The following FDFT1 variants were observed in gnomAD, a reference collection of about 807,000 sequenced individuals.
FDFT1 encodes the protein farnesyl-diphosphate farnesyltransferase 1.
In FDFT1, 68 loss-of-function variants were observed where a neutral mutation model predicts 46.8. That is an observed-to-expected ratio of 1.45 (90% CI 1.19 to 1.78). The LOEUF (loss-of-function observed/expected upper bound fraction) is 1.78, where lower values mean the gene tolerates loss of function less well. FDFT1 is among the 40% of genes most tolerant of loss of function. The pLI, the probability that FDFT1 is intolerant of heterozygous loss-of-function variation, is 0.00. For synonymous variants in FDFT1, 351 were observed against 185.1 expected (o/e 1.90, Z -7.28); for missense variants, 928 against 524.4 (o/e 1.77, Z -7.52).
In FDFT1 at chr8:11,838,820, G is replaced by T; in HGVS notation, c.*211G>T. ...CTCATCCCAGCAACCTGTCCTTGTG[G>T]GTGATGATCACTGTGCTGCTTGTGG... On this transcript the variant is annotated 3_prime_UTR_variant, in exon 8 of 8. Coordinates refer to ENST00000220584, the MANE Select transcript of FDFT1 (RefSeq NM_004462.5). 1.8e-6 allele frequency: 1 copy of T among 570,778 alleles called. No individual in the cohort carries two copies. The highest frequency in any genetic ancestry group is 3.1e-6 in the Non-Finnish European group (1 of 318,582). The allele number at this position is 570,778 out of a possible 1,614,324, so 35.4% of individuals were successfully genotyped here. A position where few individuals can be genotyped will look rare whatever the true frequency, so the allele number is the denominator to read the frequency against.
intron 3 of FDFT1, among the ~76,000 whole-genome samples, chr8:11,820,451 C>A (rs1453800925): frequency 6.6e-6 from 1 of 150,680 alleles, no homozygotes; most frequent in African/African-American, 2.4e-5. Flanking sequence ...GCCCTGCCCC[C>A]AGAGATGCAA....
chr8:11,799,110 G>C (rs1048129267), upstream of FDFT1, among the ~76,000 whole-genome samples: 4 of 152,238 alleles, frequency 2.6e-5, no homozygotes, highest in East Asian at 7.7e-4. Context: ...ATTCACTTTG[G>C]GATAGAGACT....
At chr8:11,803,488 G>C (rs972401708) in intron 1 of FDFT1, 11 of 1,247,012 alleles carry the variant, frequency 8.8e-6, no homozygotes, top group African/African-American at 6.2e-5. Context: ...GTTATCTAAC[G>C]TCTATGGATT....
intron 3 of FDFT1, among the ~76,000 whole-genome samples, chr8:11,812,165 T>A (rs1807805846): frequency 1.3e-5 from 2 of 152,172 alleles, no homozygotes; most frequent in Admixed American, 6.5e-5. Flanking sequence ...GAGGGATCAC[T>A]GGGGCCATGG....
chr8:11,827,102 TG>T (rs1320292582), intron 5 of FDFT1, among the ~76,000 whole-genome samples: 1 of 152,230 alleles, frequency 6.6e-6, no homozygotes, highest in Non-Finnish European at 1.5e-5. Flanking sequence ...ATTTTATGAC[TG>T]TTCCCTGAAT....
intron 1 of FDFT1, among the ~76,000 whole-genome samples, chr8:11,804,740 G>C (rs1157775055): frequency 6.6e-6 from 1 of 151,244 alleles, no homozygotes; most frequent in African/African-American, 2.4e-5. Context: ...CTGAGTAGCT[G>C]GGATTACAGG....
intron 6 of FDFT1, among the ~76,000 whole-genome samples, chr8:11,831,284 A>G (rs1563338922): frequency 6.6e-6 from 1 of 152,224 alleles, no homozygotes; most frequent in Admixed American, 6.5e-5. Flanking sequence ...TTGTGGCTAC[A>G]TTATAGAATT....
At chr8:11,811,861 G>T (rs544989484) in intron 3 of FDFT1, among the ~76,000 whole-genome samples, 1 of 152,192 alleles carries the variant, frequency 6.6e-6, no homozygotes, top group Non-Finnish European at 1.5e-5. Flanking sequence ...TTGAGTTGTA[G>T]GTCCCTCCAG....
At chr8:11,820,806 C>A (rs577096553) in intron 3 of FDFT1, among the ~76,000 whole-genome samples, 6 of 152,350 alleles carry the variant, frequency 3.9e-5, no homozygotes, top group African/African-American at 1.4e-4. Context: ...GGGAAATCCC[C>A]TGACCCCTTG....
chr8:11,806,387 C>T (rs548485854), intron 1 of FDFT1, among the ~76,000 whole-genome samples: 1 of 152,072 alleles, frequency 6.6e-6, no homozygotes, highest in Non-Finnish European at 1.5e-5. Context: ...TTGTGTCTTC[C>T]TGTTTTGTTC....
At chr8:11,802,740 C>T, upstream of FDFT1, 2 of 977,620 alleles carry the variant, frequency 2.0e-6, no homozygotes, top group Admixed American at 2.1e-5. Flanking sequence ...GCCAGCCCCT[C>T]GAAGCACCTA....
upstream of FDFT1, among the ~76,000 whole-genome samples, chr8:11,798,681 G>C (rs576844335): frequency 3.3e-5 from 5 of 152,310 alleles, no homozygotes; most frequent in African/African-American, 1.2e-4. Context: ...AACTAACTTT[G>C]CATTGTTTAG....
intron 3 of FDFT1, among the ~76,000 whole-genome samples, chr8:11,814,173 A>C (rs972518598): frequency 4.6e-5 from 7 of 152,020 alleles, no homozygotes; most frequent in African/African-American, 1.7e-4. Context: ...GATTCTAATA[A>C]CCTCTTGTAG....
intron 7 of FDFT1, among the ~76,000 whole-genome samples, chr8:11,834,929 G>C (rs1311712937): frequency 2.0e-5 from 3 of 152,198 alleles, no homozygotes; most frequent in African/African-American, 7.2e-5. Context: ...TTCGAGACCA[G>C]CCTGGCCAAT....
intron 1 of FDFT1, among the ~76,000 whole-genome samples, chr8:11,796,327 G>T (rs368983939): frequency 6.6e-6 from 1 of 152,182 alleles, no homozygotes; most frequent in East Asian, 1.9e-4. Flanking sequence ...GCCAGATACT[G>T]TGTAGGCCCA....
At chr8:11,810,085 T>C (rs1176380907) in intron 3 of FDFT1, 2 of 480,706 alleles carry the variant, frequency 4.2e-6, no homozygotes, top group Middle Eastern at 5.2e-4. Context: ...TGTGCCTCAG[T>C]TTCTTCATCT....
At chr8:11,819,273 C>A (rs1314165765) in intron 3 of FDFT1, among the ~76,000 whole-genome samples, 1 of 152,282 alleles carries the variant, frequency 6.6e-6, no homozygotes, top group East Asian at 1.9e-4. Flanking sequence ...CTCTGGCAGC[C>A]CTTAACATTT....
intron 4 of FDFT1, among the ~76,000 whole-genome samples, chr8:11,823,564 C>G (rs1471403081): frequency 6.6e-6 from 1 of 151,914 alleles, no homozygotes; most frequent in East Asian, 1.9e-4. Context: ...CTTTGTATTA[C>G]TTTCAGTCAG....
intron 3 of FDFT1, among the ~76,000 whole-genome samples, chr8:11,813,643 A>G (rs1015147207): frequency 2.4e-4 from 36 of 152,308 alleles, no homozygotes; most frequent in African/African-American, 7.5e-4. Context: ...AGGAATTTGT[A>G]TCTGTATTCC....
Sources: gnomAD v4.1 joint callset for allele counts (sites outside exome capture counted in the v4.1 genomes callset) on GRCh38, gnomAD v4.1.1 for gene constraint, MANE v1.5 for transcripts, NCBI Gene and HGNC (gene_info 2026-07-23, HGNC 2026-07-21) for gene names.